The following CFAP221 variants were observed in gnomAD, a reference collection of about 807,000 sequenced individuals.
CFAP221 encodes cilia and flagella associated protein 221.
A neutral mutation model predicts 113.1 loss-of-function variants in CFAP221; 97 were observed. The ratio of observed to expected loss-of-function variants is 0.86; its 90% CI spans 0.73 to 1.02. The LOEUF (loss-of-function observed/expected upper bound fraction) is 1.02, where lower values mean the gene tolerates loss of function less well. CFAP221 is among the 50% of genes least tolerant of loss of function. The pLI is 0.00. For synonymous variants in CFAP221, 331 were observed against 354.4 expected, an observed-to-expected ratio of 0.93 and a Z score of 0.74; for missense variants, 1,025 against 1,013.4, an observed-to-expected ratio of 1.01 and a Z score of -0.16.
intron 6 of CFAP221, among the ~76,000 whole-genome samples, chr2:119,583,820 C>T (rs1456342323): frequency 1.3e-5 from 2 of 152,180 alleles, no homozygotes; most frequent in African/African-American, 4.8e-5. Flanking sequence ...AGCTTCGTAG[C>T]CCCTTCCATT....
intron 12 of CFAP221, among the ~76,000 whole-genome samples, chr2:119,611,213 C>T (rs1459290263): frequency 2.0e-5 from 3 of 152,028 alleles, no homozygotes; most frequent in African/African-American, 7.2e-5. Flanking sequence ...TTTGTATAGT[C>T]CCATAGTTAC....
At position 119,557,321 on chromosome 2, in the gene CFAP221, A is replaced by T. The variant is rs532411490; in HGVS notation, c.241-2368A>T. The T allele has an allele frequency of 6.4e-4, 98 of 152,342 alleles. 1 individual carries two copies. Among genetic ancestry groups the T allele is most frequent in the African/African-American group, 2.2e-3 (92 of 41,576 alleles). 9.4% of individuals were successfully genotyped at this position (152,342 alleles called of 1,614,324 possible). ...TCTGCAACACATATGAACACTTACT[A>T]GCAAGCAGGCAAAAAGATCATTGTG... On this transcript the variant is annotated intron_variant, in intron 3 of 23. Transcript: ENST00000413369.
chr2:119,570,188 C>T (rs1248998768), intron 6 of CFAP221, among the ~76,000 whole-genome samples: 1 of 152,140 alleles, frequency 6.6e-6, no homozygotes, highest in Non-Finnish European at 1.5e-5. Flanking sequence ...TGAGCCTGTG[C>T]CTCTGGACTG....
In CFAP221 at chr2:119,622,615, C is replaced by A. The variant is rs1169022453; in HGVS notation, c.1411-2968C>A. On this transcript the variant is annotated intron_variant, in intron 14 of 23. Coordinates refer to ENST00000413369, the MANE Select transcript of CFAP221 (RefSeq NM_001271049.2). ...CCTGATGAATATTGATGCAAAAATCCTCAATAAAATACTGGCAAACCAAAT... is the reference window on the plus strand; with the variant it reads ...CCTGATGAATATTGATGCAAAAATCATCAATAAAATACTGGCAAACCAAAT... Among the ~76,000 whole-genome samples the A allele has an allele frequency of 1.3e-4, 20 of 152,186 alleles. No individual in the cohort carries two copies. The South Asian group carries it at 4.2e-3, about 32-fold the overall frequency.
At chr2:119,573,252 A>G (rs1381974208) in intron 6 of CFAP221, 1 of 152,230 alleles carries the variant, frequency 6.6e-6, no homozygotes, top group Admixed American at 6.5e-5. Context: ...TGTCAGGAGA[A>G]GACGATCAAA....
At chr2:119,560,974 T>C (rs1681204362) in intron 5 of CFAP221, among the ~76,000 whole-genome samples, 1 of 152,102 alleles carries the variant, frequency 6.6e-6, no homozygotes, top group South Asian at 2.1e-4. Context: ...TAGACCATTA[T>C]TATTTTTTTG....
At chr2:119,617,054 T>C (rs1026469123) in intron 14 of CFAP221, among the ~76,000 whole-genome samples, 2 of 152,244 alleles carry the variant, frequency 1.3e-5, no homozygotes, top group Non-Finnish European at 2.9e-5. Context: ...TGTGCCTTAG[T>C]TTCCTCACCT....
At position 119,608,164 on chromosome 2, in the gene CFAP221, C is replaced by T. The variant is rs150976749; in HGVS notation, c.1134-338C>T. 3.2e-4 allele frequency among the ~76,000 whole-genome samples: 49 copies of T among 152,254 alleles called. No individual in the cohort carries two copies. In the South Asian group the frequency reaches 3.7e-3, roughly 12 times the overall value. ...GTTTCTCCACTTGCTCAGCAATACC[C>T]GTTATTTTCCATTATTATCATCATC... On this transcript the variant is annotated intron_variant, in intron 11 of 23. Transcript: ENST00000413369.
chr2:119,549,229 G>A, intron 3 of CFAP221, 44 bp downstream of exon 3: 1 of 1,376,952 alleles, frequency 7.3e-7, no homozygotes, highest in Non-Finnish European at 9.8e-7. Flanking sequence ...ATAATGAAGT[G>A]ACAAAAATGT....
At position 119,627,659 on chromosome 2, in the gene CFAP221, A is replaced by C; in HGVS notation, c.1523A>C (p.Asn508Thr). The C allele has an allele frequency of 6.2e-7, 1 of 1,613,296 alleles. No individual in the cohort carries two copies. The highest frequency in any genetic ancestry group is 8.5e-7 in the Non-Finnish European group (1 of 1,179,748). ...CCCTTTTTTTCACCCATAGAGGCGA[A>C]TTTCTTCAAATTCTTCCTGAGGCGG... ...QAKQSIAQEANFFKFFLRRIS... is the reference protein window; with the variant it reads ...QAKQSIAQEATFFKFFLRRIS... The change falls in exon 16 of 24, where the codon AAT becomes ACT. Residue 508 changes from asparagine to threonine, a missense_variant. Physicochemically the swap from Asn to Thr is moderately conservative, Grantham distance 65. Transcript: ENST00000413369.
intron 19 of CFAP221, among the ~76,000 whole-genome samples, chr2:119,636,242 G>A (rs1225594690): frequency 6.6e-6 from 1 of 152,166 alleles, no homozygotes; most frequent in Non-Finnish European, 1.5e-5. Context: ...AACTTTTAGA[G>A]ACAACCCATG....
intron 12 of CFAP221, 71 bp from the exon 13 acceptor site, chr2:119,611,582 A>G (rs992685177): frequency 7.1e-6 from 10 of 1,407,844 alleles, no homozygotes; most frequent in Admixed American, 4.0e-5. Context: ...ATGGGTTTCT[A>G]CAAGTTTTAA....
chr2:119,562,972 A>C (rs1681363610), intron 6 of CFAP221, among the ~76,000 whole-genome samples: 2 of 152,124 alleles, frequency 1.3e-5, no homozygotes, highest in Non-Finnish European at 1.5e-5. Context: ...ACAACAAAAA[A>C]GACCCCATCT....
At chr2:119,610,740 T>C (rs1185998257) in intron 12 of CFAP221, among the ~76,000 whole-genome samples, 1 of 152,222 alleles carries the variant, frequency 6.6e-6, no homozygotes, top group African/African-American at 2.4e-5. Flanking sequence ...ATGATCAGAA[T>C]AGATTTATTC....
At chr2:119,547,008 A>T (rs1387718643) in intron 2 of CFAP221, among the ~76,000 whole-genome samples, 1 of 152,164 alleles carries the variant, frequency 6.6e-6, no homozygotes. Flanking sequence ...AACATGGCAC[A>T]CCTGGTAAGT....
intron 16 of CFAP221, 118 bp from the exon 17 acceptor site, chr2:119,629,757 G>C (rs1686634030): frequency 2.7e-6 from 2 of 731,926 alleles, no homozygotes; most frequent in Admixed American, 5.8e-5. Context: ...GTGGTTGCAG[G>C]AGGAGTTGCT....
intron 7 of CFAP221, among the ~76,000 whole-genome samples, chr2:119,597,635 A>G (rs1684076957): frequency 1.3e-5 from 2 of 152,188 alleles, no homozygotes; most frequent in Admixed American, 1.3e-4. Context: ...GGAAATAATG[A>G]GCCAAGAAAA....
intron 3 of CFAP221, among the ~76,000 whole-genome samples, chr2:119,549,391 T>C (rs1051859944): frequency 2.0e-5 from 3 of 152,134 alleles, no homozygotes; most frequent in Non-Finnish European, 4.4e-5. Context: ...AAGGCTCCCC[T>C]TGCACTCTTT....
At chr2:119,610,288 C>T (rs1201343469) in intron 12 of CFAP221, among the ~76,000 whole-genome samples, 1 of 152,076 alleles carries the variant, frequency 6.6e-6, no homozygotes, top group East Asian at 1.9e-4. Flanking sequence ...TCTGTGTGTC[C>T]AGGGGATTTT....
Sources: gnomAD v4.1 joint callset for allele counts (sites outside exome capture counted in the v4.1 genomes callset) on GRCh38, gnomAD v4.1.1 for gene constraint, MANE v1.5 for transcripts, NCBI Gene and HGNC (gene_info 2026-07-23, HGNC 2026-07-21) for gene names.